The following NBEA variants were observed in gnomAD, a reference collection of about 807,000 sequenced individuals.
NBEA encodes lysosomal-trafficking regulator 2.
NBEA carries 44 observed loss-of-function variants against 343.4 expected under a neutral mutation model. That is an observed-to-expected ratio of 0.13 (90% CI 0.10 to 0.16). The LOEUF is 0.16. Ranked by LOEUF, NBEA falls within the 10% of genes least tolerant of loss-of-function variation. The pLI, the probability that NBEA is intolerant of heterozygous loss-of-function variation, is 1.00. For missense variants in NBEA, 2,555 were observed against 3,631.3 expected, an observed-to-expected ratio of 0.70 and a Z score of 7.62; for synonymous variants, 1,175 against 1,238.7, an observed-to-expected ratio of 0.95 and a Z score of 1.08.
chr13:35,012,832 G>T (rs2061530338), intron 1 of NBEA, among the ~76,000 whole-genome samples: 1 of 151,954 alleles, frequency 6.6e-6, no homozygotes, highest in Non-Finnish European at 1.5e-5. Context: ...TTTATTTTAT[G>T]TTCTTATTAG....
At chr13:35,511,622 G>C in intron 41 of NBEA, among the ~76,000 whole-genome samples, 1 of 152,100 alleles carries the variant, frequency 6.6e-6, no homozygotes, top group East Asian at 1.9e-4. Flanking sequence ...TATGCAAGTA[G>C]ATATCTCTCT....
intron 36 of NBEA, among the ~76,000 whole-genome samples, chr13:35,330,722 G>C (rs533315032): frequency 7.9e-5 from 12 of 151,950 alleles, no homozygotes; most frequent in African/African-American, 2.7e-4. Context: ...TGACGCAAAG[G>C]CATGAATAAT....
At chr13:35,595,060 T>C (rs754041886) in intron 47 of NBEA, among the ~76,000 whole-genome samples, 2 of 151,934 alleles carry the variant, frequency 1.3e-5, no homozygotes, top group Non-Finnish European at 2.9e-5. Context: ...CTAATTTTTA[T>C]ATACAGTTTT....
chr13:35,078,808 G>A (rs577953736), intron 10 of NBEA, among the ~76,000 whole-genome samples: 1 of 152,300 alleles, frequency 6.6e-6, no homozygotes, highest in South Asian at 2.1e-4. Flanking sequence ...CGGATCACGA[G>A]GTCAAGAGAT....
chr13:35,129,961 A>G (rs985644640), intron 17 of NBEA, among the ~76,000 whole-genome samples: 1 of 152,188 alleles, frequency 6.6e-6, no homozygotes, highest in African/African-American at 2.4e-5. Context: ...GATTGACCCA[A>G]ATACTTAGTG....
chr13:35,525,320 G>A lies in NBEA; in HGVS notation c.6586-25157G>A, dbSNP rs556417181. On this transcript the variant is annotated intron_variant, in intron 41 of 58. Coordinates refer to ENST00000379939, the MANE Select transcript of NBEA (RefSeq NM_001385012.1). ...TAATCCTAGCACTTTGGGAGGCCGA[G>A]GTGGGTGGACCACCTGAGGTCAGGA... Among the ~76,000 whole-genome samples, 188 of 152,298 alleles carry A rather than the reference G, an allele frequency of 1.2e-3. 1 individual carries two copies. The highest frequency in any genetic ancestry group is 4.2e-3 in the African/African-American group (176 of 41,570).
At chr13:35,355,817 C>T (rs2040460277) in intron 38 of NBEA, among the ~76,000 whole-genome samples, 1 of 151,556 alleles carries the variant, frequency 6.6e-6, no homozygotes, top group African/African-American at 2.4e-5. Flanking sequence ...CCAAATGATA[C>T]CATCTCAAAA....
At chr13:35,223,111 G>T (rs772319605) in intron 33 of NBEA, among the ~76,000 whole-genome samples, 4 of 152,152 alleles carry the variant, frequency 2.6e-5, no homozygotes, top group Non-Finnish European at 4.4e-5. Flanking sequence ...TAGCCTGGGC[G>T]ACAGAGTGCG....
At chr13:35,183,827 T>C (rs931189468) in intron 29 of NBEA, 149 bp from the exon 30 acceptor site, 100 of 549,660 alleles carry the variant, frequency 1.8e-4, no homozygotes, top group Non-Finnish European at 4.8e-5. Context: ...TTTCTCTTAA[T>C]ACATAAACTC....
At chr13:35,491,562 T>G (rs2076500231) in intron 41 of NBEA, among the ~76,000 whole-genome samples, 1 of 151,900 alleles carries the variant, frequency 6.6e-6, no homozygotes, top group South Asian at 2.1e-4. Flanking sequence ...CTTGCTTGTG[T>G]ACCCAATATC....
chr13:35,462,308 A>C (rs973941349), intron 40 of NBEA, among the ~76,000 whole-genome samples: 6 of 152,236 alleles, frequency 3.9e-5, no homozygotes, highest in Non-Finnish European at 7.3e-5. Context: ...ATTCTAACAG[A>C]AAACACGATC....
chr13:34,972,287 T>C (rs139143334), intron 1 of NBEA, among the ~76,000 whole-genome samples: 1 of 152,284 alleles, frequency 6.6e-6, no homozygotes, highest in African/African-American at 2.4e-5. Flanking sequence ...AGCTCTGGGA[T>C]TTGTTGATCC....
intron 10 of NBEA, among the ~76,000 whole-genome samples, chr13:35,074,376 A>T (rs917567214): frequency 5.9e-5 from 9 of 152,204 alleles, no homozygotes; most frequent in African/African-American, 2.2e-4. Flanking sequence ...TATGTAGGTG[A>T]TACAAAATAA....
At chr13:35,433,700 GA>G (rs1183877517) in intron 39 of NBEA, among the ~76,000 whole-genome samples, 1 of 151,898 alleles carries the variant, frequency 6.6e-6, no homozygotes, top group Non-Finnish European at 1.5e-5. Context: ...AAATATGCTG[GA>G]AAAAAATTAT....
At chr13:35,647,308 T>C (rs2084283575) in intron 51 of NBEA, among the ~76,000 whole-genome samples, 1 of 152,212 alleles carries the variant, frequency 6.6e-6, no homozygotes. Context: ...CAAGATGAAC[T>C]TCAAGACAAC....
intron 13 of NBEA, among the ~76,000 whole-genome samples, chr13:35,114,779 T>C (rs2066411777): frequency 6.6e-6 from 1 of 152,220 alleles, no homozygotes; most frequent in Non-Finnish European, 1.5e-5. Context: ...ATTTAAATTA[T>C]TATTTTACTT....
chr13:35,026,645 C>T (rs991946199), intron 1 of NBEA, among the ~76,000 whole-genome samples: 1 of 152,150 alleles, frequency 6.6e-6, no homozygotes, highest in Middle Eastern at 3.4e-3. Flanking sequence ...TATATTCTTT[C>T]AATTGGCCAG....
At chr13:35,158,929 C>G (rs2069369067) in intron 21 of NBEA, 87 bp from the exon 22 acceptor site, 2 of 1,203,758 alleles carry the variant, frequency 1.7e-6, no homozygotes, top group East Asian at 2.6e-5. Context: ...ATTATTTTTT[C>G]TATTTCCACA....
intron 35 of NBEA, among the ~76,000 whole-genome samples, chr13:35,301,520 G>A (rs1026968844): frequency 4.2e-4 from 64 of 152,058 alleles, no homozygotes; most frequent in African/African-American, 1.2e-3. Flanking sequence ...ACGTGAACTC[G>A]TTCTTTTTTA....
Sources: allele counts gnomAD v4.1 joint callset (sites outside exome capture counted in the v4.1 genomes callset), GRCh38; gene constraint gnomAD v4.1.1; transcripts MANE v1.5; gene names NCBI Gene and HGNC (gene_info 2026-07-23, HGNC 2026-07-21).